The following CDK5RAP1 variants were observed in gnomAD, a reference collection of about 807,000 sequenced individuals.
CDK5RAP1 encodes the protein mitochondrial tRNA methylthiotransferase CDK5RAP1.
A neutral mutation model predicts 64.5 loss-of-function variants in CDK5RAP1; 62 were observed. The observed-to-expected ratio is 0.96, with a 90% CI of 0.78 to 1.19. The LOEUF is 1.19. Ranked by LOEUF, CDK5RAP1 falls within the 50% of genes most tolerant of loss-of-function variation. The pLI is 0.00. For synonymous variants in CDK5RAP1, 250 were observed against 261.9 expected, an observed-to-expected ratio of 0.95 and a Z score of 0.44; for missense variants, 657 against 735.0, an observed-to-expected ratio of 0.89 and a Z score of 1.23.
At chr20:33,396,710 C>G (rs1485269101) in intron 2 of CDK5RAP1, 51 bp downstream of exon 2, 3 of 1,327,704 alleles carry the variant, frequency 2.3e-6, no homozygotes, top group African/African-American at 1.5e-5. Flanking sequence ...CCAGGAATGA[C>G]AGAGAGGAGC....
intron 1 of CDK5RAP1, among the ~76,000 whole-genome samples, chr20:33,399,544 T>C (rs1989205367): frequency 6.6e-6 from 1 of 152,232 alleles, no homozygotes; most frequent in Non-Finnish European, 1.5e-5. Flanking sequence ...AGGGAACAAG[T>C]ATCATTCATT....
chr20:33,383,820 G>A (rs1013704958), intron 7 of CDK5RAP1, among the ~76,000 whole-genome samples: 5 of 151,420 alleles, frequency 3.3e-5, no homozygotes, highest in Admixed American at 1.3e-4. Context: ...GATAAGGCAG[G>A]AGAATCGCTT....
At chr20:33,384,393 G>A (rs964864813) in intron 7 of CDK5RAP1, among the ~76,000 whole-genome samples, 4 of 152,138 alleles carry the variant, frequency 2.6e-5, no homozygotes, top group Non-Finnish European at 5.9e-5. Context: ...TCTCTATCCT[G>A]AAGGAGTGAG....
At chr20:33,382,308 G>T (rs1034450103) in intron 7 of CDK5RAP1, among the ~76,000 whole-genome samples, 9 of 152,266 alleles carry the variant, frequency 5.9e-5, no homozygotes, top group African/African-American at 1.4e-4. Flanking sequence ...AACAATTGGG[G>T]AACTCCGAAT....
Position 33,389,222 on chromosome 20 carries a change from G to A in CDK5RAP1, c.545-1689C>T, listed in dbSNP as rs546523060. 6.6e-4 allele frequency among the ~76,000 whole-genome samples: 99 copies of A among 150,570 alleles called. 2 individuals are homozygous for A. The highest frequency in any genetic ancestry group is 3.5e-3 in the Middle Eastern group (1 of 286). The stretch of plus-strand genomic sequence containing the variant: ...ACCCATCGTCTGAGATGTGGGGAGT[G>A]CCTCTGCCCCGCTGCCCCCTCTGGG... On this transcript the variant is annotated intron_variant, in intron 5 of 13. Coordinates refer to ENST00000346416, the MANE Select transcript of CDK5RAP1 (RefSeq NM_016408.4).
Position 33,375,407 on chromosome 20 carries a change from AAAAAAAAAAAG to A in CDK5RAP1, c.1108-1206_1108-1196del, listed in dbSNP as rs1444795375. Among the ~76,000 whole-genome samples, 13 of 149,294 alleles carry A rather than the reference AAAAAAAAAAAG, an allele frequency of 8.7e-5. No homozygotes were observed. In the South Asian group the frequency reaches 1.5e-3, roughly 17 times the overall value. On this transcript the variant is annotated intron_variant, in intron 8 of 13. Coordinates refer to ENST00000346416, the MANE Select transcript of CDK5RAP1 (RefSeq NM_016408.4). ...ACAGAGCGAGACTCCATCTCAAAAA[AAAAAAAAAAAG>A]AAAAAGAAAAGAAAAGAAAACATAA... is the stretch of plus-strand genomic sequence containing the variant.
At chr20:33,364,467 G>A (rs147129333) in intron 12 of CDK5RAP1, among the ~76,000 whole-genome samples, 2,953 of 152,056 alleles carry the variant, frequency 0.019, 70 homozygotes, top group African/African-American at 0.06. Context: ...GATTACAGAC[G>A]TGAGCCACCG....
At chr20:33,382,846 C>T (rs1193155619) in intron 7 of CDK5RAP1, among the ~76,000 whole-genome samples, 1 of 147,504 alleles carries the variant, frequency 6.8e-6, no homozygotes, top group East Asian at 2.1e-4. Flanking sequence ...GCCTGGGCAA[C>T]AGAACAAGAC....
chr20:33,400,577 T>C (rs1406221073), intron 1 of CDK5RAP1, among the ~76,000 whole-genome samples: 4 of 152,186 alleles, frequency 2.6e-5, no homozygotes, highest in African/African-American at 9.6e-5. Flanking sequence ...AAGCGTTCAC[T>C]AACTGCACAT....
intron 4 of CDK5RAP1, 70 bp from the exon 5 acceptor site, chr20:33,392,312 T>C: frequency 1.1e-6 from 1 of 913,500 alleles, no homozygotes; most frequent in South Asian, 1.9e-5. Flanking sequence ...AGTAGGTCAG[T>C]GGGAAGAAAA....
At position 33,367,001 on chromosome 20, in the gene CDK5RAP1, C is replaced by T. The variant is rs754826757; in HGVS notation, c.1400G>A (p.Arg467Gln). The change falls in exon 12 of 14, where the codon CGG (arginine) becomes CAG (glutamine). Residue 467 changes from arginine (R) to glutamine (Q), a missense_variant. By Grantham distance (43) the Arg-to-Gln change is conservative. Transcript: ENST00000346416. Reference protein sequence around the residue: ...LFAYSMRQKTRAYHRLKDDVP... With the variant: ...LFAYSMRQKTQAYHRLKDDVP... ...ATCATCCTTCAGCCTATGATATGCC[C>T]GTGTCTTCTATTAAAAAAAAAAAAA... The T allele has an allele frequency of 4.2e-5, 67 of 1,597,538 alleles. No homozygotes were observed. Among genetic ancestry groups the T allele is most frequent in the Non-Finnish European group, 5.5e-5 (65 of 1,175,448 alleles).
At chr20:33,365,850 G>A (rs1439009408) in intron 12 of CDK5RAP1, among the ~76,000 whole-genome samples, 11 of 152,310 alleles carry the variant, frequency 7.2e-5, no homozygotes, top group Admixed American at 5.9e-4. Context: ...TGAGGGATGT[G>A]AGCCATTATC....
chr20:33,370,781 G>C, intron 10 of CDK5RAP1, 152 bp from the exon 11 acceptor site: 1 of 686,552 alleles, frequency 1.5e-6, no homozygotes. Flanking sequence ...AGAGTAAGGC[G>C]GGATAGGCCT....
chr20:33,361,688 C>T (rs1322029546), intron 12 of CDK5RAP1, among the ~76,000 whole-genome samples: 1 of 810 alleles, frequency 1.2e-3, no homozygotes, highest in African/African-American at 6.5e-3. Flanking sequence ...GGCGCAGTGG[C>T]TCACGCCTGT....
intron 1 of CDK5RAP1, among the ~76,000 whole-genome samples, chr20:33,398,574 G>A (rs560007079): frequency 6.6e-6 from 1 of 152,172 alleles, no homozygotes; most frequent in South Asian, 2.1e-4. Context: ...TATCAATAAA[G>A]GACTAGTTAA....
intron 7 of CDK5RAP1, among the ~76,000 whole-genome samples, chr20:33,382,451 C>T (rs1411774862): frequency 2.0e-5 from 3 of 152,122 alleles, no homozygotes; most frequent in Admixed American, 6.5e-5. Context: ...GAGGCCAAGG[C>T]GGGTAGATCA....
chr20:33,360,435 C>A lies in CDK5RAP1; in HGVS notation c.1599G>T (p.Val533=), dbSNP rs768311774. Residue 533 remains valine (V), a synonymous_variant, in exon 13 of 14, where the codon GTG becomes GTT. Transcript: ENST00000346416. The stretch of plus-strand genomic sequence containing the variant: ...CCTCCATCTCTGCATCAGGGAAGAT[C>A]ACCTTAAGGTTTCCATCATTCCTGC... ...LCGRNDGNLK[V]IFPDAEMEDV... is the part of the protein sequence containing the mutation. 1 of 1,613,810 alleles carries A rather than the reference C, an allele frequency of 6.2e-7. No homozygotes were observed. Among genetic ancestry groups the A allele is most frequent in the Non-Finnish European group, 8.5e-7 (1 of 1,179,718 alleles).
intron 5 of CDK5RAP1, among the ~76,000 whole-genome samples, chr20:33,388,581 CCT>C (rs1987795707): frequency 8.2e-6 from 1 of 121,618 alleles, no homozygotes; most frequent in Non-Finnish European, 1.7e-5. Flanking sequence ...TCCCCCTCTC[CCT>C]CTCTCCTTCT....
rs752855308 is a variant in CDK5RAP1 at position 33,372,695 on chromosome 20, TATCTGC to T, written c.1206-4_1207del. 2 of 1,581,296 alleles carry T rather than the reference TATCTGC, an allele frequency of 1.3e-6. No homozygotes were observed. Among genetic ancestry groups the T allele is most frequent in the Non-Finnish European group, 1.7e-6 (2 of 1,162,726 alleles). On this transcript the variant is annotated splice_acceptor_variant and splice_polypyrimidine_tract_variant and coding_sequence_variant and intron_variant, in exon 10 of 14. Transcript: ENST00000346416. LOFTEE classifies it high-confidence loss of function. ...TAACTCCACATAAGCTTCTCTTGAA[TATCTGC>T]AATAAAGAACAAAAGGAAAAGGCCT...
Sources: allele counts gnomAD v4.1 joint callset (sites outside exome capture counted in the v4.1 genomes callset), GRCh38; gene constraint gnomAD v4.1.1; transcripts MANE v1.5; gene names NCBI Gene and HGNC (gene_info 2026-07-23, HGNC 2026-07-21).